The following NT5E variants were observed in gnomAD, a reference collection of about 807,000 sequenced individuals.
The protein encoded by NT5E is 5'-nucleotidase.
NT5E carries 53 observed loss-of-function variants against 55.1 expected under a neutral mutation model. That is an observed-to-expected ratio of 0.96 (90% CI 0.77 to 1.21). NT5E has a LOEUF of 1.21. NT5E is among the 50% of genes most tolerant of loss of function. The pLI is 0.00. For synonymous variants in NT5E, 270 were observed against 278.4 expected, an observed-to-expected ratio of 0.97 and a Z score of 0.30; for missense variants, 683 against 724.3, an observed-to-expected ratio of 0.94 and a Z score of 0.65.
At chr6:85,473,618 C>A (rs138279598) in intron 3 of NT5E, among the ~76,000 whole-genome samples, 1 of 152,108 alleles carries the variant, frequency 6.6e-6, no homozygotes, top group African/African-American at 2.4e-5. Context: ...CGTTCACATA[C>A]GAACATGCAA....
intron 5 of NT5E, among the ~76,000 whole-genome samples, chr6:85,487,933 G>T (rs2127724900): frequency 6.6e-6 from 1 of 152,254 alleles, no homozygotes; most frequent in East Asian, 1.9e-4. Flanking sequence ...TTTGGATGTT[G>T]CTTTCCTTTT....
At chr6:85,464,138 A>G (rs117728310) in intron 1 of NT5E, among the ~76,000 whole-genome samples, 3,242 of 145,140 alleles carry the variant, frequency 0.022, 56 homozygotes, top group Middle Eastern at 0.039. Context: ...ACAGCCAAGC[A>G]CAGAGGTTAA....
chr6:85,454,162 T>A (rs1193232250), intron 1 of NT5E, among the ~76,000 whole-genome samples: 1 of 152,202 alleles, frequency 6.6e-6, no homozygotes, highest in Non-Finnish European at 1.5e-5. Flanking sequence ...CCTCCACAAA[T>A]AATGCTGCTC....
intron 3 of NT5E, among the ~76,000 whole-genome samples, chr6:85,478,692 A>G (rs1769483834): frequency 6.6e-6 from 1 of 151,772 alleles, no homozygotes; most frequent in Admixed American, 6.6e-5. Context: ...CAAAATATAT[A>G]AATATGTCTA....
Position 85,467,170 on chromosome 6 carries a change from A to G in NT5E, c.450A>G (p.Leu150=), listed in dbSNP as rs1406099923. 1 of 1,614,170 alleles carries G rather than the reference A, an allele frequency of 6.2e-7. No homozygotes were observed. The highest frequency in any genetic ancestry group is 1.1e-5 in the South Asian group (1 of 91,080). ...LSANIKAKGP[L]ASQISGLYLP... ...CAAACATTAAAGCAAAGGGGCCACT[A>G]GCATCTCAAATATCAGGACTTTATT... The change falls in exon 2 of 9, where the codon CTA becomes CTG. Residue 150 remains leucine, a synonymous_variant. Coordinates refer to ENST00000257770, the MANE Select transcript of NT5E (RefSeq NM_002526.4).
chr6:85,492,541 A>T (rs1769808551), intron 8 of NT5E, among the ~76,000 whole-genome samples: 2 of 152,316 alleles, frequency 1.3e-5, no homozygotes, highest in South Asian at 4.1e-4. Context: ...AAATCATTTA[A>T]ATTTTCTTTC....
chr6:85,468,684 T>C (rs1171429661), intron 2 of NT5E, among the ~76,000 whole-genome samples: 2 of 152,232 alleles, frequency 1.3e-5, no homozygotes, highest in South Asian at 2.1e-4. Context: ...AGCTAGAAAG[T>C]TGGATCAGGG....
chr6:85,469,358 C>T (rs1447469000), intron 2 of NT5E, among the ~76,000 whole-genome samples: 2 of 152,068 alleles, frequency 1.3e-5, no homozygotes, highest in Middle Eastern at 3.2e-3. Flanking sequence ...TAGTCATTCC[C>T]CTGGGTACCT....
intron 6 of NT5E, among the ~76,000 whole-genome samples, chr6:85,489,927 C>A (rs1430539788): frequency 6.6e-6 from 1 of 152,176 alleles, no homozygotes; most frequent in Non-Finnish European, 1.5e-5. Flanking sequence ...ACAACAGTCA[C>A]CACCTTGGCA....
At chr6:85,489,123 C>T (rs1283333889) in intron 5 of NT5E, among the ~76,000 whole-genome samples, 1 of 152,022 alleles carries the variant, frequency 6.6e-6, no homozygotes, top group Non-Finnish European at 1.5e-5. Context: ...GGGCCAAGCC[C>T]TCAGAATCAG....
intron 4 of NT5E, among the ~76,000 whole-genome samples, chr6:85,485,891 G>A (rs749800211): frequency 1.3e-5 from 2 of 152,078 alleles, no homozygotes; most frequent in Non-Finnish European, 1.5e-5. Flanking sequence ...AGTCTATTGC[G>A]GGATCTGGCC....
chr6:85,481,378 G>A (rs754193056), intron 3 of NT5E, among the ~76,000 whole-genome samples: 5 of 152,218 alleles, frequency 3.3e-5, no homozygotes, highest in Admixed American at 6.5e-5. Flanking sequence ...ATCAGTGAGT[G>A]TTCCCTGATG....
intron 1 of NT5E, among the ~76,000 whole-genome samples, chr6:85,459,910 G>A (rs1219075044): frequency 2.0e-5 from 3 of 152,188 alleles, no homozygotes; most frequent in Non-Finnish European, 4.4e-5. Context: ...CAAGTTTCTT[G>A]TTTTGATTAT....
chr6:85,485,551 T>C, intron 4 of NT5E, 119 bp downstream of exon 4: 1 of 1,040,622 alleles, frequency 9.6e-7, no homozygotes, highest in Non-Finnish European at 1.5e-6. Flanking sequence ...GTTGAAGAAT[T>C]TAGTTTCTTC....
chr6:85,482,116 G>T (rs1413882314), intron 3 of NT5E, among the ~76,000 whole-genome samples: 2 of 152,212 alleles, frequency 1.3e-5, no homozygotes, highest in Non-Finnish European at 2.9e-5. Flanking sequence ...CTCTTATGTT[G>T]TCCCAATTCA....
chr6:85,455,480 G>T (rs1438462133), intron 1 of NT5E, among the ~76,000 whole-genome samples: 4 of 152,190 alleles, frequency 2.6e-5, no homozygotes, highest in Admixed American at 2.6e-4. Context: ...TTCCTGGAGG[G>T]TGCACACCCA....
At chr6:85,455,694 C>T (rs1395681389) in intron 1 of NT5E, among the ~76,000 whole-genome samples, 1 of 152,204 alleles carries the variant, frequency 6.6e-6, no homozygotes, top group Admixed American at 6.5e-5. Context: ...CAACCTCAGG[C>T]TTGTGATCAG....
chr6:85,478,733 T>TTATA (rs896857737), intron 3 of NT5E, among the ~76,000 whole-genome samples: 1 of 150,154 alleles, frequency 6.7e-6, no homozygotes. Flanking sequence ...TTAAATATAT[T>TTATA]TATATATATA....
Position 85,467,095 on chromosome 6 carries a change from A to T in NT5E, c.375A>T (p.Glu125Asp). Residue 125 changes from glutamate (E) to aspartate (D), a missense_variant, in exon 2 of 9, where the codon GAA becomes GAT. By Grantham distance (45) the Glu-to-Asp change is conservative. Transcript: ENST00000257770. ...ATCATGAATTTGATAATGGTGTGGA[A>T]GGACTGATCGAGCCACTCCTCAAAG... ...LGNHEFDNGV[E>D]GLIEPLLKEA... 1 of 1,614,136 alleles carries T rather than the reference A, an allele frequency of 6.2e-7. No homozygotes were observed. Among genetic ancestry groups the T allele is most frequent in the Non-Finnish European group, 8.5e-7 (1 of 1,180,030 alleles).
Sources: gnomAD v4.1 joint callset for allele counts (sites outside exome capture counted in the v4.1 genomes callset) on GRCh38, gnomAD v4.1.1 for gene constraint, MANE v1.5 for transcripts, NCBI Gene and HGNC (gene_info 2026-07-23, HGNC 2026-07-21) for gene names.